The following UBR3 variants were observed in gnomAD, a reference collection of about 807,000 sequenced individuals.
UBR3 encodes ubiquitin protein ligase E3 component n-recognin 3, also known as E3 ubiquitin-protein ligase UBR3.
UBR3 carries 85 observed loss-of-function variants against 243.2 expected under a neutral mutation model. That is an observed-to-expected ratio of 0.35 (90% CI 0.29 to 0.42). The LOEUF (loss-of-function observed/expected upper bound fraction) is 0.42, where lower values mean the gene tolerates loss of function less well. Ranked by LOEUF, UBR3 falls within the 10% of genes least tolerant of loss-of-function variation. The pLI is 1.00. For synonymous variants in UBR3, 748 were observed against 799.8 expected, an observed-to-expected ratio of 0.94 and a Z score of 1.09; for missense variants, 1,686 against 2,300.8, an observed-to-expected ratio of 0.73 and a Z score of 5.47.
chr2:169,881,613 CTTT>C (rs779216560), intron 5 of UBR3, among the ~76,000 whole-genome samples: 6 of 114,670 alleles, frequency 5.2e-5, no homozygotes, highest in Non-Finnish European at 9.3e-5. Flanking sequence ...CCGTATGTTT[CTTT>C]TTTTTTTTTT....
chr2:169,982,729 G>A (rs2088796855), intron 24 of UBR3, among the ~76,000 whole-genome samples: 1 of 151,956 alleles, frequency 6.6e-6, no homozygotes, highest in African/African-American at 2.4e-5. Context: ...CAATTCTTTT[G>A]AGTTTCTATA....
At chr2:170,043,703 A>G (rs1433981350) in intron 32 of UBR3, among the ~76,000 whole-genome samples, 1 of 152,220 alleles carries the variant, frequency 6.6e-6, no homozygotes. Flanking sequence ...AGTGCTGGAC[A>G]CACAAAGATG....
At chr2:170,069,764 G>T (rs2091657052) in intron 35 of UBR3, among the ~76,000 whole-genome samples, 1 of 151,842 alleles carries the variant, frequency 6.6e-6, no homozygotes, top group Non-Finnish European at 1.5e-5. Flanking sequence ...TTCTTAGGTT[G>T]AATAATATTT....
chr2:169,841,133 T>C (rs960847070), intron 1 of UBR3, among the ~76,000 whole-genome samples: 1 of 152,212 alleles, frequency 6.6e-6, no homozygotes, highest in Non-Finnish European at 1.5e-5. Flanking sequence ...GCATGCTTTT[T>C]TATTCTTTAC....
intron 24 of UBR3, among the ~76,000 whole-genome samples, chr2:169,986,126 C>T (rs1453891372): frequency 6.6e-6 from 1 of 151,968 alleles, no homozygotes; most frequent in Non-Finnish European, 1.5e-5. Context: ...TATGATTTCC[C>T]TACATTAAAA....
chr2:169,988,942 C>T (rs574485385), intron 25 of UBR3, among the ~76,000 whole-genome samples: 60 of 152,186 alleles, frequency 3.9e-4, no homozygotes, highest in African/African-American at 1.4e-3. Flanking sequence ...CCTTTTACCC[C>T]TTTTTTCTCT....
At chr2:169,898,966 G>T (rs890477758) in intron 8 of UBR3, among the ~76,000 whole-genome samples, 5 of 151,978 alleles carry the variant, frequency 3.3e-5, no homozygotes, top group African/African-American at 1.2e-4. Flanking sequence ...CTCCCAAAGT[G>T]CTGGGATTAC....
chr2:169,895,303 G>C lies in UBR3; in HGVS notation c.1228G>C (p.Glu410Gln). Residue 410 changes from glutamate (E) to glutamine (Q), a missense_variant, in exon 7 of 39, where the codon GAG becomes CAG. Transcript: ENST00000272793. The part of the protein sequence containing the change: ...TFLLNMLPDQ[E>Q]YKVAFTKTFV... ...CTTACTCAACATGCTTCCAGATCAA[G>C]AGTATAAGGTATCTATATATTTTCC... 6.5e-7 allele frequency: 1 copy of C among 1,539,752 alleles called. No individual in the cohort carries two copies. The highest frequency in any genetic ancestry group is 2.1e-5 in the Admixed American group (1 of 46,574).
At chr2:169,851,291 ATTTTTGTAT>A (rs1559019057) in intron 1 of UBR3, among the ~76,000 whole-genome samples, 1 of 151,888 alleles carries the variant, frequency 6.6e-6, no homozygotes, top group East Asian at 1.9e-4. Context: ...TGTTTGGCTA[ATTTTTGTAT>A]TTTTTGTATA....
At chr2:170,081,541 G>A (rs1312759204) in intron 38 of UBR3, among the ~76,000 whole-genome samples, 185 bp from the exon 39 acceptor site, 8 of 151,700 alleles carry the variant, frequency 5.3e-5, no homozygotes, top group Non-Finnish European at 1.0e-4. Context: ...AATAAAAAAA[G>A]GAGGCAGGCA....
intron 33 of UBR3, among the ~76,000 whole-genome samples, chr2:170,056,537 A>G (rs1017437716): frequency 6.6e-6 from 1 of 152,200 alleles, no homozygotes; most frequent in African/African-American, 2.4e-5. Flanking sequence ...ATAAAAGAAG[A>G]AAATTGCTTC....
At chr2:169,889,979 C>T (rs2084263332) in intron 5 of UBR3, among the ~76,000 whole-genome samples, 1 of 152,118 alleles carries the variant, frequency 6.6e-6, no homozygotes, top group Admixed American at 6.5e-5. Flanking sequence ...CATTACCGCA[C>T]CTCTTTATAA....
intron 23 of UBR3, among the ~76,000 whole-genome samples, chr2:169,953,723 TTAA>T (rs1284309045): frequency 1.3e-5 from 2 of 152,338 alleles, no homozygotes; most frequent in African/African-American, 4.8e-5. Context: ...TTTCTTATGT[TTAA>T]TAGATTTTTA....
chr2:169,882,257 T>TACAAA (rs2083907022), intron 5 of UBR3, among the ~76,000 whole-genome samples: 1 of 136,136 alleles, frequency 7.3e-6, no homozygotes, highest in African/African-American at 2.7e-5. Flanking sequence ...TGTATATATA[T>TACAAA]TTATATATAT....
At chr2:169,933,354 CAG>C (rs1449579747) in intron 19 of UBR3, among the ~76,000 whole-genome samples, 1 of 152,172 alleles carries the variant, frequency 6.6e-6, no homozygotes, top group Non-Finnish European at 1.5e-5. Context: ...TCTCTGACAT[CAG>C]AGATGGTGAC....
At position 169,855,465 on chromosome 2, in the gene UBR3, G is replaced by T. The variant is rs1475203813; in HGVS notation, c.546-16771G>T. ...TCAGGAGATAAACATGTGAACAAAGGTCTCTGGTTTTCCTAGGCAGAGGGC... is the reference window on the plus strand; with the variant it reads ...TCAGGAGATAAACATGTGAACAAAGTTCTCTGGTTTTCCTAGGCAGAGGGC... On this transcript the variant is annotated intron_variant, in intron 1 of 38. Transcript: ENST00000272793. Among the ~76,000 whole-genome samples, 5 of 152,140 alleles carry T rather than the reference G, an allele frequency of 3.3e-5. No homozygotes were observed. The East Asian group carries it at 7.7e-4, about 23-fold the overall frequency.
At chr2:169,910,856 A>G (rs1283974288) in intron 10 of UBR3, among the ~76,000 whole-genome samples, 1 of 152,178 alleles carries the variant, frequency 6.6e-6, no homozygotes. Context: ...AATGCTATTT[A>G]TCACTTTGCT....
intron 7 of UBR3, among the ~76,000 whole-genome samples, 194 bp downstream of exon 7, chr2:169,895,505 C>T (rs2084548830): frequency 6.6e-6 from 1 of 152,220 alleles, no homozygotes; most frequent in Non-Finnish European, 1.5e-5. Flanking sequence ...CAGCATTACT[C>T]AGCAGAATTC....
intron 15 of UBR3, 35 bp downstream of exon 15, chr2:169,926,779 G>A (rs2085926313): frequency 6.5e-7 from 1 of 1,544,628 alleles, no homozygotes; most frequent in Non-Finnish European, 8.7e-7. Flanking sequence ...GTATTAGGAA[G>A]TGTCCAGTTA....
Sources: allele counts gnomAD v4.1 joint callset (sites outside exome capture counted in the v4.1 genomes callset), GRCh38; gene constraint gnomAD v4.1.1; transcripts MANE v1.5; gene names NCBI Gene and HGNC (gene_info 2026-07-23, HGNC 2026-07-21).